The following IPO11 variants were observed in gnomAD, a reference collection of about 807,000 sequenced individuals.
IPO11 encodes importin 11.
A neutral mutation model predicts 143.2 loss-of-function variants in IPO11; 66 were observed. That is an observed-to-expected ratio of 0.46 (90% CI 0.38 to 0.57). IPO11 has a LOEUF of 0.57. IPO11 is among the 20% of genes least tolerant of loss of function. The pLI, the probability that IPO11 is intolerant of heterozygous loss-of-function variation, is 0.00. For missense variants in IPO11, 1,026 were observed against 1,141.0 expected (o/e 0.90, Z 1.45); for synonymous variants, 385 against 377.8 (o/e 1.02, Z -0.22).
At chr5:62,588,940 T>C (rs1744909941) in intron 27 of IPO11, among the ~76,000 whole-genome samples, 1 of 152,138 alleles carries the variant, frequency 6.6e-6, no homozygotes, top group African/African-American at 2.4e-5. Context: ...GCCTAATACA[T>C]AACCTCACCT....
rs149895053 is a variant in IPO11, at chr5:62,437,935, G to A, written c.138+518G>A. On this transcript the variant is annotated intron_variant, in intron 2 of 29. Transcript: ENST00000325324. ...TATGTGCTTTAAATTAACCTTTATT[G>A]GAGTTCAAAGTTTTTGACTAATTAA... 1.6e-3 allele frequency among the ~76,000 whole-genome samples: 248 copies of A among 152,260 alleles called. 1 individual carries two copies. Among genetic ancestry groups the A allele is most frequent in the Middle Eastern group, 3.4e-3 (1 of 294 alleles).
chr5:62,447,576 C>T (rs958495655), intron 3 of IPO11, among the ~76,000 whole-genome samples: 3 of 151,060 alleles, frequency 2.0e-5, no homozygotes, highest in African/African-American at 7.3e-5. Context: ...ATGATTGTAC[C>T]CTTGTTTTTT....
chr5:62,494,791 A>G (rs1461287599), intron 16 of IPO11, among the ~76,000 whole-genome samples: 1 of 152,092 alleles, frequency 6.6e-6, no homozygotes, highest in Non-Finnish European at 1.5e-5. Context: ...TAGTGACTTA[A>G]TATACATGTT....
chr5:62,477,057 AAAG>A (rs1423645052), intron 9 of IPO11, among the ~76,000 whole-genome samples: 7 of 152,192 alleles, frequency 4.6e-5, no homozygotes, highest in Non-Finnish European at 8.8e-5. Flanking sequence ...AAGTGGAGAT[AAAG>A]AAGATAGCAG....
intron 29 of IPO11, among the ~76,000 whole-genome samples, chr5:62,617,517 A>G (rs1020026845): frequency 6.6e-6 from 1 of 152,216 alleles, no homozygotes; most frequent in African/African-American, 2.4e-5. Context: ...ATTTAGTAAC[A>G]TTAATGTGCC....
chr5:62,447,248 T>C (rs771486937), intron 3 of IPO11, among the ~76,000 whole-genome samples: 9 of 151,862 alleles, frequency 5.9e-5, no homozygotes, highest in Non-Finnish European at 1.0e-4. Flanking sequence ...TGTGACTACA[T>C]GTGTGTGCCG....
intron 3 of IPO11, among the ~76,000 whole-genome samples, chr5:62,448,002 A>G (rs1372622887): frequency 2.0e-5 from 3 of 152,164 alleles, no homozygotes; most frequent in African/African-American, 7.2e-5. Context: ...GGCGTGAGCT[A>G]CTGTGTCCAG....
intron 3 of IPO11, among the ~76,000 whole-genome samples, chr5:62,449,378 G>A (rs904749778): frequency 2.0e-5 from 3 of 152,118 alleles, no homozygotes; most frequent in Admixed American, 6.5e-5. Context: ...ATTTAAGCTA[G>A]TTGATTTCTG....
chr5:62,516,357 G>A (rs762589432), intron 20 of IPO11, among the ~76,000 whole-genome samples: 2 of 152,040 alleles, frequency 1.3e-5, no homozygotes, highest in African/African-American at 2.4e-5. Context: ...ACAGTGGCGC[G>A]ATCTTGGCTC....
chr5:62,569,706 C>G (rs1435082051), intron 27 of IPO11, among the ~76,000 whole-genome samples: 1 of 152,148 alleles, frequency 6.6e-6, no homozygotes, highest in Non-Finnish European at 1.5e-5. Flanking sequence ...CCCTTTCTTG[C>G]ATTGTTATGC....
At chr5:62,558,402 G>A (rs1561362398) in intron 26 of IPO11, among the ~76,000 whole-genome samples, 1 of 152,112 alleles carries the variant, frequency 6.6e-6, no homozygotes, top group African/African-American at 2.4e-5. Context: ...ACTAAAATTA[G>A]TATTTATTCC....
intron 24 of IPO11, among the ~76,000 whole-genome samples, chr5:62,542,152 C>G (rs985005017): frequency 6.6e-6 from 1 of 151,050 alleles, no homozygotes; most frequent in Non-Finnish European, 1.5e-5. Context: ...CTCGGCTCAC[C>G]ACAACCTCAA....
chr5:62,605,611 T>C (rs982387661), intron 29 of IPO11, among the ~76,000 whole-genome samples: 1 of 151,976 alleles, frequency 6.6e-6, no homozygotes, highest in Non-Finnish European at 1.5e-5. Flanking sequence ...TTTTTGTAAT[T>C]TTTTGAAATC....
At chr5:62,426,083 T>C (rs947348110) in intron 1 of IPO11, among the ~76,000 whole-genome samples, 3 of 152,062 alleles carry the variant, frequency 2.0e-5, no homozygotes, top group Non-Finnish European at 2.9e-5. Flanking sequence ...ATCCAGATAA[T>C]ATGACAAAAT....
At chr5:62,551,202 T>C (rs776718819) in intron 25 of IPO11, 21 bp from the exon 26 acceptor site, 1 of 1,282,588 alleles carries the variant, frequency 7.8e-7, no homozygotes, top group Non-Finnish European at 1.1e-6. Flanking sequence ...ATTTTACATG[T>C]GTTGTATTTT....
chr5:62,433,644 C>G (rs562972077), intron 1 of IPO11, among the ~76,000 whole-genome samples: 1 of 152,288 alleles, frequency 6.6e-6, no homozygotes, highest in South Asian at 2.1e-4. Flanking sequence ...CCCCGCCAGA[C>G]TGGATGGGCT....
In IPO11 at chr5:62,580,076, G is replaced by C. The variant is rs199809934; in HGVS notation, c.2583-11501G>C. ...AACCTTGCTTGTTTGTATTTAGGAAGTAATAATTTAACAAAAGTACCATCA... is the reference window on the plus strand; with the variant it reads ...AACCTTGCTTGTTTGTATTTAGGAACTAATAATTTAACAAAAGTACCATCA... On this transcript the variant is annotated intron_variant, in intron 27 of 29. Coordinates refer to ENST00000325324, the MANE Select transcript of IPO11 (RefSeq NM_016338.5). 3.7e-4 allele frequency: 567 copies of C among 1,550,954 alleles called. No homozygotes were observed. Among genetic ancestry groups the C allele is most frequent in the Admixed American group, 1.5e-3 (76 of 50,926 alleles).
intron 27 of IPO11, chr5:62,581,045 TCTTAG>T: frequency 7.7e-6 from 12 of 1,550,938 alleles, no homozygotes; most frequent in Non-Finnish European, 1.0e-5. Context: ...GCTTTTTTCA[TCTTAG>T]CTTGTGTTTT....
chr5:62,497,005 CT>C (rs1366998481), intron 16 of IPO11, among the ~76,000 whole-genome samples: 1 of 152,194 alleles, frequency 6.6e-6, no homozygotes, highest in Non-Finnish European at 1.5e-5. Context: ...TGCACTGCTT[CT>C]GCTGTGTCAC....
Sources: gnomAD v4.1 joint callset for allele counts (sites outside exome capture counted in the v4.1 genomes callset) on GRCh38, gnomAD v4.1.1 for gene constraint, MANE v1.5 for transcripts, NCBI Gene and HGNC (gene_info 2026-07-23, HGNC 2026-07-21) for gene names.